MYBL2: variants seen among roughly 807,000 people sequenced by gnomAD.
The protein encoded by MYBL2 is MYB proto-oncogene like 2.
MYBL2 carries 28 observed loss-of-function variants against 79.9 expected under a neutral mutation model. The ratio of observed to expected loss-of-function variants is 0.35; its 90% confidence interval spans 0.26 to 0.48. MYBL2 has a LOEUF of 0.48. Among genes scored for constraint, MYBL2 ranks in the 20% least tolerant of loss-of-function variants. The probability of loss-of-function intolerance (pLI) is 0.99; values close to 1 mark genes in which losing one functional copy is unlikely to be tolerated. For missense variants in MYBL2, 735 were observed against 893.9 expected, an observed-to-expected ratio of 0.82 and a Z score of 2.27; for synonymous variants, 378 against 361.2, an observed-to-expected ratio of 1.05 and a Z score of -0.53.
chr20:43,679,720 A>C (rs1312553672), intron 2 of MYBL2, among the ~76,000 whole-genome samples: 3 of 152,098 alleles, frequency 2.0e-5, no homozygotes, highest in Admixed American at 6.5e-5. Context: ...GACCAGCCTG[A>C]AGAACATGTG....
intron 3 of MYBL2, 80 bp downstream of exon 3, chr20:43,681,935 G>A: frequency 6.8e-7 from 1 of 1,474,784 alleles, no homozygotes; most frequent in Non-Finnish European, 9.4e-7. Flanking sequence ...CTTTGCCAAG[G>A]AGGGGAAAAG....
intron 3 of MYBL2, 47 bp downstream of exon 3, chr20:43,681,902 G>A (rs1391687225): frequency 6.3e-7 from 1 of 1,596,416 alleles, no homozygotes; most frequent in Non-Finnish European, 8.6e-7. Context: ...AGGGCTCTGG[G>A]AGAACAGTGT....
chr20:43,700,065 C>G (rs1261154876), intron 7 of MYBL2, 21 bp downstream of exon 7: 2 of 1,607,668 alleles, frequency 1.2e-6, no homozygotes, highest in Admixed American at 3.3e-5. Context: ...CACAACACTT[C>G]ACAGTGAGCA....
At chr20:43,708,432 C>T (rs1307500019) in intron 9 of MYBL2, among the ~76,000 whole-genome samples, 5 of 151,874 alleles carry the variant, frequency 3.3e-5, no homozygotes, top group Admixed American at 3.3e-4. Context: ...TGTATATACA[C>T]TCTTTTTTTT....
chr20:43,694,405 T>C (rs1427992014), intron 6 of MYBL2, among the ~76,000 whole-genome samples: 1 of 151,932 alleles, frequency 6.6e-6, no homozygotes, highest in Non-Finnish European at 1.5e-5. Context: ...ATAGATTTGA[T>C]GATGCCGGCT....
intron 4 of MYBL2, among the ~76,000 whole-genome samples, chr20:43,683,877 ATT>A (rs200552763): frequency 6.6e-6 from 1 of 150,628 alleles, no homozygotes; most frequent in Non-Finnish European, 1.5e-5. Context: ...TTTTAAATTA[ATT>A]TTTTTTTGAG....
In MYBL2 at chr20:43,702,759, C is replaced by T. The variant is rs748547827; in HGVS notation, c.1221C>T (p.Pro407=). 2 of 1,614,220 alleles carry T rather than the reference C, an allele frequency of 1.2e-6. No individual in the cohort carries two copies. Among genetic ancestry groups the T allele is most frequent in the South Asian group, 1.1e-5 (1 of 91,086 alleles). ...GGGGCTCTGGCATTGGCACACCGCC[C>T]TCTGTGCTCAAGCGGCAGAGGAAGA... The part of the protein sequence containing the change: ...EVGGSGIGTP[P]SVLKRQRKRR... The change falls in exon 8 of 14, where the codon CCC becomes CCT. Residue 407 remains proline, a synonymous_variant. Transcript: ENST00000217026.
At chr20:43,697,445 A>G (rs1406476590) in intron 6 of MYBL2, among the ~76,000 whole-genome samples, 1 of 151,744 alleles carries the variant, frequency 6.6e-6, no homozygotes, top group African/African-American at 2.4e-5. Context: ...CCCCATCTCT[A>G]CTAAAAATAT....
intron 1 of MYBL2, among the ~76,000 whole-genome samples, chr20:43,671,181 G>A (rs937303595): frequency 2.0e-5 from 3 of 150,840 alleles, no homozygotes; most frequent in African/African-American, 4.9e-5. Flanking sequence ...ATGGAGTCTC[G>A]TCTGTCGCCC....
Position 43,681,793 on chromosome 20 carries a change from C to T in MYBL2, c.124C>T (p.Leu42=). ...TTTCTGGTGTTGGCAGGACGAGCAG[C>T]TGAGGGCCCTGGTGAGGCAGTTTGG... ...VKWTHEEDEQ[L]RALVRQFGQQ... The change falls in exon 3 of 14, where the codon CTG becomes TTG. Residue 42 remains leucine, a synonymous_variant. Coordinates refer to ENST00000217026, the MANE Select transcript of MYBL2 (RefSeq NM_002466.4). The T allele has an allele frequency of 1.2e-6, 2 of 1,614,214 alleles. No individual in the cohort carries two copies. Among genetic ancestry groups the T allele is most frequent in the South Asian group, 1.1e-5 (1 of 91,086 alleles).
chr20:43,713,567 A>G (rs1987962207), intron 12 of MYBL2, among the ~76,000 whole-genome samples: 1 of 151,978 alleles, frequency 6.6e-6, no homozygotes, highest in Admixed American at 6.6e-5. Context: ...TTGTATCTTT[A>G]GTAGAGACGG....
chr20:43,699,979 G>A lies in MYBL2; in HGVS notation c.886G>A (p.Ala296Thr). 2 of 1,614,154 alleles carry A rather than the reference G, an allele frequency of 1.2e-6. No individual in the cohort carries two copies. Among genetic ancestry groups the A allele is most frequent in the Non-Finnish European group, 1.7e-6 (2 of 1,180,040 alleles). Residue 296 changes from alanine to threonine, a missense_variant, in exon 7 of 14, where the codon GCA becomes ACA. Around this residue, in one of 5 missense-constraint regions of MYBL2, gnomAD observed 243 missense variants for 327.2 expected, o/e 0.74. Coordinates refer to ENST00000217026, the MANE Select transcript of MYBL2 (RefSeq NM_002466.4). ...CCTGCCTTACAAGTGGGTGGTGGAG[G>A]CAGCTAACCTCCTCATCCCTGCTGT... ...TSLPYKWVVE[A>T]ANLLIPAVGS...
At position 43,692,199 on chromosome 20, in the gene MYBL2, A is replaced by G; in HGVS notation, c.543A>G (p.Lys181=). 6.2e-7 allele frequency: 1 copy of G among 1,614,066 alleles called. No individual in the cohort carries two copies. The highest frequency in any genetic ancestry group is 1.3e-5 in the African/African-American group (1 of 75,026). Residue 181 remains lysine, a synonymous_variant, in exon 6 of 14, where the codon AAA becomes AAG. Coordinates refer to ENST00000217026, the MANE Select transcript of MYBL2 (RefSeq NM_002466.4). ...AVKNHWNSTI[K]RKVDTGGFLS... ...AGAATCACTGGAACTCTACCATCAA[A>G]AGGAAGGTGGACACAGGAGGCTTCT...
chr20:43,706,719 G>GTTTTTTTTTTTTTTTTTTTTTT (rs71193702), intron 9 of MYBL2, among the ~76,000 whole-genome samples: 4 of 70,780 alleles, frequency 5.7e-5, no homozygotes, highest in Non-Finnish European at 7.6e-5. Context: ...AAAAAAAAAA[G>GTTTTTTTTTTTTTTTTTTTTTT]TTTTTTTTTT....
rs200854771 is a variant in MYBL2, at chr20:43,697,612, AAAC to A, written c.664-2139_664-2137del. ...GGTAACAGCAAGACTCTGTCTCAAAAAACAACAAGGGCTGGGCGCAATGGCTCA... is the reference window on the plus strand; with the variant it reads ...GGTAACAGCAAGACTCTGTCTCAAAAAACAAGGGCTGGGCGCAATGGCTCA... On this transcript the variant is annotated intron_variant, in intron 6 of 13. Transcript: ENST00000217026. 9.0e-3 allele frequency among the ~76,000 whole-genome samples: 1,329 copies of A among 147,838 alleles called. 9 individuals are homozygous for A. Among genetic ancestry groups the A allele is most frequent in the Middle Eastern group, 0.019 (5 of 260 alleles).
At chr20:43,687,953 A>C (rs917854632) in intron 5 of MYBL2, among the ~76,000 whole-genome samples, 5 of 148,362 alleles carry the variant, frequency 3.4e-5, no homozygotes, top group African/African-American at 1.2e-4. Flanking sequence ...CAGAGGTTGC[A>C]GTGAGCCGAG....
chr20:43,689,625 C>G lies in MYBL2; in HGVS notation c.501-2532C>G, dbSNP rs1209935080. On this transcript the variant is annotated intron_variant, in intron 5 of 13. Coordinates refer to ENST00000217026, the MANE Select transcript of MYBL2 (RefSeq NM_002466.4). ...CTTCAGAGAAGTTTTCTCTGTTCTC[C>G]CAGACTGTGGTTGGTCTCTGGTGAC... 3.3e-5 allele frequency among the ~76,000 whole-genome samples: 5 copies of G among 152,164 alleles called. No individual in the cohort carries two copies. The East Asian group carries it at 9.6e-4, about 29-fold the overall frequency.
At chr20:43,667,337 C>A in intron 1 of MYBL2, 34 bp downstream of exon 1, 1 of 1,223,652 alleles carries the variant, frequency 8.2e-7, no homozygotes, top group Non-Finnish European at 1.0e-6. Flanking sequence ...GGCCCCTCCC[C>A]CTCCCTTTAA....
In MYBL2 at chr20:43,668,338, C is replaced by T. The variant is rs1419182512; in HGVS notation, c.20+1035C>T. Among the ~76,000 whole-genome samples, 2 of 151,670 alleles carry T rather than the reference C, an allele frequency of 1.3e-5. 1 individual carries two copies. Among genetic ancestry groups the T allele is most frequent in the South Asian group, 4.2e-4 (2 of 4,794 alleles). ...GCCTCAGCTTCCCGAGTAGCTGGGACTTCAGGCACGTGTCACCACGTCGGG... is the reference window on the plus strand; with the variant it reads ...GCCTCAGCTTCCCGAGTAGCTGGGATTTCAGGCACGTGTCACCACGTCGGG... On this transcript the variant is annotated intron_variant, in intron 1 of 13. Transcript: ENST00000217026.
Sources: allele counts gnomAD v4.1 joint callset (sites outside exome capture counted in the v4.1 genomes callset), GRCh38; gene constraint gnomAD v4.1.1; regional missense constraint gnomAD v4.1.1; transcripts MANE v1.5; gene names NCBI Gene and HGNC (gene_info 2026-07-23, HGNC 2026-07-21).